Variants in EXOC3L2 observed in about 807,000 individuals in gnomAD.
EXOC3L2 encodes exocyst complex component 3-like protein 2.
A neutral mutation model predicts 44.4 loss-of-function variants in EXOC3L2; 17 were observed. The ratio of observed to expected loss-of-function variants is 0.38; its 90% CI spans 0.26 to 0.57. EXOC3L2 has a LOEUF of 0.57. EXOC3L2 is among the 20% of genes least tolerant of loss of function. The pLI, the probability that EXOC3L2 is intolerant of heterozygous loss-of-function variation, is 0.65. For synonymous variants in EXOC3L2, 256 were observed against 253.7 expected (o/e 1.01, Z -0.09); for missense variants, 541 against 588.4 (o/e 0.92, Z 0.83).
At position 45,231,797 on chromosome 19, in the gene EXOC3L2, C is replaced by T. The variant is rs768529039; in HGVS notation, c.1235G>A (p.Arg412Gln). 4.1e-5 allele frequency: 66 copies of T among 1,610,952 alleles called. No individual in the cohort carries two copies. The highest frequency in any genetic ancestry group is 1.7e-4 in the Middle Eastern group (1 of 6,042). Residue 412 changes from arginine (R) to glutamine (Q), a missense_variant, in exon 4 of 12, where the codon CGG (arginine) becomes CAG (glutamine). Arg to Gln is a conservative substitution (Grantham distance 43). Transcript: ENST00000413988. ...LGPLLSPGTL[R>Q]GLEDECVTDV... ...TGTGACGCATTCATCCTCCAAACCCCGCAGGGTGCCAGGGGAGAGAAGGGG... is the reference window on the plus strand; with the variant it reads ...TGTGACGCATTCATCCTCCAAACCCTGCAGGGTGCCAGGGGAGAGAAGGGG...
At chr19:45,213,837 C>T (rs1296615095) in intron 11 of EXOC3L2, among the ~76,000 whole-genome samples, 2 of 151,816 alleles carry the variant, frequency 1.3e-5, no homozygotes, top group Non-Finnish European at 2.9e-5. Flanking sequence ...GCTTGTAATC[C>T]TAGCTACTCA....
chr19:45,241,304 T>C (rs1970129184), intron 1 of EXOC3L2, among the ~76,000 whole-genome samples: 1 of 151,866 alleles, frequency 6.6e-6, no homozygotes, highest in Admixed American at 6.6e-5. Context: ...TGGTGAAACC[T>C]CGTCTCTACT....
chr19:45,244,495 C>T (rs993521238), intron 1 of EXOC3L2, among the ~76,000 whole-genome samples: 1 of 152,128 alleles, frequency 6.6e-6, no homozygotes, highest in Non-Finnish European at 1.5e-5. Context: ...GCTCCAACAC[C>T]CGCCTCTGCA....
Position 45,238,351 on chromosome 19 carries a change from T to C in EXOC3L2, c.523+172A>G, listed in dbSNP as rs11666251. 0.22 allele frequency among the ~76,000 whole-genome samples: 32,960 copies of C among 151,848 alleles called. 3,961 individuals carry two copies. Among genetic ancestry groups the C allele is most frequent in the South Asian group, 0.29 (1,393 of 4,806 alleles). ...ACAGGGATTAGGACTGCAGTGGTAA[T>C]GGGTTGGAGCTGGCATGGAGGTGGG... On this transcript the variant is annotated intron_variant, in intron 2 of 11. Coordinates refer to ENST00000413988, the MANE Select transcript of EXOC3L2 (RefSeq NM_001382422.1). The surrounding 1 kb of genome is among the most constrained non-coding windows in gnomAD (Gnocchi z 5.5).
Position 45,224,637 on chromosome 19 carries a change from A to G in EXOC3L2, c.1719+141T>C. 3.1e-6 allele frequency: 4 copies of G among 1,281,614 alleles called. No individual in the cohort carries two copies. In the South Asian group the frequency reaches 4.9e-5, roughly 16 times the overall value. 79.4% of individuals were successfully genotyped at this position (1,281,614 alleles called of 1,614,324 possible). On this transcript the variant is annotated intron_variant, in intron 8 of 11. Coordinates refer to ENST00000413988, the MANE Select transcript of EXOC3L2 (RefSeq NM_001382422.1). ...TCTCCACTCCACCAACAGCCCAGGC[A>G]TGGCCTTAACTGCCCCTGCCCCCCG... is the stretch of plus-strand genomic sequence containing the variant.
chr19:45,224,705 A>C (rs1969935927), intron 8 of EXOC3L2, 73 bp downstream of exon 8: 3 of 1,504,180 alleles, frequency 2.0e-6, no homozygotes, highest in Non-Finnish European at 1.8e-6. Context: ...GCTAAAAGGA[A>C]CTGGAGGATG....
chr19:45,220,377 A>G (rs1969884025), intron 8 of EXOC3L2, among the ~76,000 whole-genome samples: 1 of 151,582 alleles, frequency 6.6e-6, no homozygotes, highest in African/African-American at 2.4e-5. Context: ...GGCTGATGTG[A>G]GAGGATCATG....
chr19:45,228,053 G>A lies in EXOC3L2; in HGVS notation c.1393C>T (p.Arg465Ter), dbSNP rs1599764895. The change falls in exon 6 of 12, where the codon CGA (arginine) becomes TGA (stop). Residue 465 changes from arginine to a stop codon, truncating the protein, a stop_gained. Transcript: ENST00000413988. LOFTEE classifies it high-confidence loss of function. ...AACTCCTGGCTGATGCGGGGTGCTC[G>A]CTCTGTGTGCTCTTCCAGCAGCTGT... Reference protein sequence around the residue: ...VCELLEEHTERAPRISQEFGE... With the variant: ...VCELLEEHTE The A allele has an allele frequency of 6.2e-7, 1 of 1,614,094 alleles. No homozygotes were observed. The highest frequency in any genetic ancestry group is 8.5e-7 in the Non-Finnish European group (1 of 1,180,026).
At chr19:45,245,057 T>G (rs1449299578) in intron 1 of EXOC3L2, among the ~76,000 whole-genome samples, 1 of 151,910 alleles carries the variant, frequency 6.6e-6, no homozygotes, top group East Asian at 1.9e-4. Context: ...CTCATCTCTA[T>G]TCTCCTTTGG....
At position 45,217,716 on chromosome 19, in the gene EXOC3L2, G is replaced by A. The variant is rs915129937; in HGVS notation, c.1843-33C>T. 34 of 1,391,042 alleles carry A rather than the reference G, an allele frequency of 2.4e-5. No homozygotes were observed. In the East Asian group the frequency reaches 9.6e-4, roughly 39 times the overall value. The allele number at this position is 1,391,042 out of a possible 1,614,324, so 86.2% of individuals were successfully genotyped here. A position where few individuals can be genotyped will look rare whatever the true frequency, so the allele number is the denominator to read the frequency against. ...CGGAGGAGGGAAACCCGAGGGGTGTGAGCCATGCCCCACGGACTCCCATCC... is the reference window on the plus strand; with the variant it reads ...CGGAGGAGGGAAACCCGAGGGGTGTAAGCCATGCCCCACGGACTCCCATCC... On this transcript the variant is annotated intron_variant, in intron 9 of 11. Transcript: ENST00000413988.
chr19:45,224,531 G>A lies in EXOC3L2; in HGVS notation c.1719+247C>T, dbSNP rs909173782. 9.2e-5 allele frequency among the ~76,000 whole-genome samples: 14 copies of A among 152,160 alleles called. No individual in the cohort carries two copies. In the East Asian group the frequency reaches 2.3e-3, roughly 25 times the overall value. On this transcript the variant is annotated intron_variant, in intron 8 of 11. Coordinates refer to ENST00000413988, the MANE Select transcript of EXOC3L2 (RefSeq NM_001382422.1). ...AGGAGAGCCTGAGCAGGGATCTGGGGGACCTCAGTGGGGAGGGGCTCCATC... is the reference window on the plus strand; with the variant it reads ...AGGAGAGCCTGAGCAGGGATCTGGGAGACCTCAGTGGGGAGGGGCTCCATC...
In EXOC3L2 at chr19:45,234,832, G is replaced by C; in HGVS notation, c.524-6C>G. The C allele has an allele frequency of 2.5e-6, 1 of 393,222 alleles. No homozygotes were observed. Among genetic ancestry groups the C allele is most frequent in the Non-Finnish European group, 4.5e-6 (1 of 222,432 alleles). 24.4% of individuals were successfully genotyped at this position (393,222 alleles called of 1,614,324 possible). ...CAGGCTCAGGATCTCCAGCACTGCGGGAGCAAAGCGGGAGGTCAGCAGTGC... is the reference window on the plus strand; with the variant it reads ...CAGGCTCAGGATCTCCAGCACTGCGCGAGCAAAGCGGGAGGTCAGCAGTGC... On this transcript the variant is annotated splice_region_variant and splice_polypyrimidine_tract_variant and intron_variant, in intron 2 of 11. Transcript: ENST00000413988. This position sits in a 1 kb window ranked among gnomAD's most constrained non-coding sequence, Gnocchi z 5.0.
chr19:45,227,667 T>C lies in EXOC3L2; in HGVS notation c.1578A>G (p.Pro526=). The C allele has an allele frequency of 1.2e-6, 2 of 1,610,102 alleles. No individual in the cohort carries two copies. The highest frequency in any genetic ancestry group is 1.7e-6 in the Non-Finnish European group (2 of 1,178,854). ...KTIALVNCGP[P]LRALAERLAR... Reference sequence around the variant, plus strand: ...CACACCATGGATGCCCTCACCTCAGTGGGGGGCCGCAGTTGACCAGGGCGA... The same window carrying C: ...CACACCATGGATGCCCTCACCTCAGCGGGGGGCCGCAGTTGACCAGGGCGA... The change falls in exon 7 of 12, where the codon CCA becomes CCG. Residue 526 remains proline (P), a synonymous_variant. Transcript: ENST00000413988.
intron 6 of EXOC3L2, 42 bp downstream of exon 6, chr19:45,227,932 C>G: frequency 1.9e-6 from 3 of 1,595,960 alleles, no homozygotes; most frequent in Non-Finnish European, 2.6e-6. Flanking sequence ...CCCTGATGCC[C>G]AACCCCCAGC....
At chr19:45,244,469 G>A (rs905107205) in intron 1 of EXOC3L2, among the ~76,000 whole-genome samples, 6 of 152,022 alleles carry the variant, frequency 3.9e-5, no homozygotes, top group African/African-American at 1.2e-4. Context: ...TGTCTCCGAC[G>A]TCTTTCCCCT....
intron 8 of EXOC3L2, among the ~76,000 whole-genome samples, chr19:45,219,801 T>C (rs964649529): frequency 5.3e-5 from 8 of 152,216 alleles, no homozygotes; most frequent in Non-Finnish European, 1.2e-4. Flanking sequence ...AGGAAAGTAT[T>C]GCACCTTGCA....
intron 11 of EXOC3L2, 66 bp from the exon 12 acceptor site, chr19:45,213,423 G>A (rs1025989685): frequency 1.5e-5 from 24 of 1,576,300 alleles, no homozygotes; most frequent in East Asian, 1.1e-4. Flanking sequence ...CAACCCAGCC[G>A]TGGACCCCAC....
intron 3 of EXOC3L2, among the ~76,000 whole-genome samples, chr19:45,232,696 A>G (rs1970043854): frequency 6.6e-6 from 1 of 152,222 alleles, no homozygotes; most frequent in Non-Finnish European, 1.5e-5. Context: ...AAGTCTCAAC[A>G]GTAATAAGAT....
rs746785574 is a variant in EXOC3L2, at chr19:45,228,310, T to C, written c.1270-44A>G. 4 of 1,570,912 alleles carry C rather than the reference T, an allele frequency of 2.5e-6. 1 individual carries two copies. The South Asian group carries it at 4.5e-5, about 18-fold the overall frequency. ...AGACAGGCAGGAGTTGGGGGCGGCC[T>C]GGAGGTCTTTTTTTTTATCTCTTTC... is the stretch of plus-strand genomic sequence containing the variant. On this transcript the variant is annotated intron_variant, in intron 4 of 11. Coordinates refer to ENST00000413988, the MANE Select transcript of EXOC3L2 (RefSeq NM_001382422.1).
Sources: gnomAD v4.1 joint callset for allele counts (sites outside exome capture counted in the v4.1 genomes callset) on GRCh38, gnomAD v4.1.1 for gene constraint, Gnocchi (gnomAD v3.1) non-coding constraint, MANE v1.5 for transcripts, NCBI Gene and HGNC (gene_info 2026-07-23, HGNC 2026-07-21) for gene names.